UBE3A: variants seen among roughly 807,000 people sequenced by gnomAD.
UBE3A encodes ubiquitin protein ligase E3A, also known as ubiquitin-protein ligase E3A.
Under a neutral mutation model 83.4 loss-of-function variants are expected in UBE3A, and 6 were observed. That is an observed-to-expected ratio of 0.07 (90% CI 0.04 to 0.14). The LOEUF (loss-of-function observed/expected upper bound fraction) is 0.14. Among genes scored for constraint, UBE3A ranks in the 10% least tolerant of loss-of-function variants. The pLI, the probability that UBE3A is intolerant of heterozygous loss-of-function variation, is 1.00. For synonymous variants in UBE3A, 337 were observed against 355.4 expected, an observed-to-expected ratio of 0.95 and a Z score of 0.58; for missense variants, 456 against 1,036.1, an observed-to-expected ratio of 0.44 and a Z score of 7.69.
At chr15:25,395,888 TAA>T (rs370016752) in intron 4 of UBE3A, among the ~76,000 whole-genome samples, 67 of 152,208 alleles carry the variant, frequency 4.4e-4, no homozygotes, top group African/African-American at 1.6e-3. Flanking sequence ...GTGTTAGAGG[TAA>T]AGAGTAAATA....
At chr15:25,359,418 C>T (rs868604583) in intron 7 of UBE3A, among the ~76,000 whole-genome samples, 6 of 139,012 alleles carry the variant, frequency 4.3e-5, no homozygotes, top group South Asian at 2.6e-4. Context: ...ATAAGGGATG[C>T]GTGTGTGTGT....
intron 4 of UBE3A, among the ~76,000 whole-genome samples, chr15:25,376,713 A>G (rs1229843796): frequency 7.8e-6 from 1 of 127,610 alleles, no homozygotes; most frequent in Non-Finnish European, 1.6e-5. Context: ...TCTTAAATCT[A>G]AAACTTGTCA....
chr15:25,364,882 G>C (rs2078822739), intron 6 of UBE3A, among the ~76,000 whole-genome samples: 1 of 151,922 alleles, frequency 6.6e-6, no homozygotes, highest in South Asian at 2.1e-4. Context: ...TCCTGACCTT[G>C]TGATCTGCCC....
chr15:25,432,099 T>A (rs1221069027), intron 1 of UBE3A, among the ~76,000 whole-genome samples: 1 of 152,236 alleles, frequency 6.6e-6, no homozygotes, highest in Non-Finnish European at 1.5e-5. Flanking sequence ...AAGAAATTCC[T>A]GTACTGTTAC....
At chr15:25,365,196 A>G (rs2078885914) in intron 6 of UBE3A, among the ~76,000 whole-genome samples, 1 of 152,116 alleles carries the variant, frequency 6.6e-6, no homozygotes, top group South Asian at 2.1e-4. Context: ...TTTTTAAAAA[A>G]AAAATCTGAC....
intron 6 of UBE3A, among the ~76,000 whole-genome samples, chr15:25,362,482 T>C (rs1466706758): frequency 6.6e-6 from 1 of 152,118 alleles, no homozygotes; most frequent in Non-Finnish European, 1.5e-5. Context: ...ATACTGTAAG[T>C]TGTGAAGGCT....
intron 7 of UBE3A, among the ~76,000 whole-genome samples, chr15:25,359,684 C>T (rs2077757455): frequency 6.6e-6 from 1 of 152,036 alleles, no homozygotes; most frequent in African/African-American, 2.4e-5. Flanking sequence ...AGAAACTGAA[C>T]CAGTTCAGAA....
intron 4 of UBE3A, among the ~76,000 whole-genome samples, chr15:25,398,767 TTATTTATATATATATATATATA>T (rs1372840737): frequency 7.4e-5 from 5 of 67,140 alleles, no homozygotes; most frequent in African/African-American, 2.5e-4. Context: ...TTTTATTCTT[TTATTTATATATATATATATATA>T]TATATATATA....
At chr15:25,426,212 A>T (rs537530426) in intron 1 of UBE3A, among the ~76,000 whole-genome samples, 2 of 152,350 alleles carry the variant, frequency 1.3e-5, no homozygotes, top group East Asian at 3.9e-4. Context: ...ACTGTCATCT[A>T]TGAAAATCTT....
chr15:25,432,819 C>A (rs913142403), intron 1 of UBE3A, among the ~76,000 whole-genome samples: 1 of 152,196 alleles, frequency 6.6e-6, no homozygotes, highest in Non-Finnish European at 1.5e-5. Flanking sequence ...TATGCTCTTA[C>A]TTGAAACACA....
rs752626316 is a variant in UBE3A, at chr15:25,337,051, C to T, written c.*2086G>A. On this transcript the variant is annotated 3_prime_UTR_variant, in exon 13 of 13. Transcript: ENST00000648336. ...AGCTAGAGCAGCTATTCTGTGCAAC[C>T]GACGATTTTTTTTCTCTAAAATTTT... is the stretch of plus-strand genomic sequence containing the variant. The T allele has an allele frequency of 6.6e-5, 10 of 152,036 alleles. No homozygotes were observed. Among genetic ancestry groups the T allele is most frequent in the Admixed American group, 2.0e-4 (3 of 15,252 alleles). The allele number at this position is 152,036 out of a possible 1,614,324, so 9.4% of individuals were successfully genotyped here. A position where few individuals can be genotyped will look rare whatever the true frequency, so the allele number is the denominator to read the frequency against.
Position 25,338,192 on chromosome 15 carries a change from AT to A in UBE3A, c.*944del, listed in dbSNP as rs1566811239. The A allele has an allele frequency of 3.9e-5, 6 of 152,256 alleles. No homozygotes were observed. The East Asian group carries it at 1.2e-3, about 29-fold the overall frequency. 9.4% of individuals were successfully genotyped at this position (152,256 alleles called of 1,614,324 possible). ...TAAGTAAGTAATTAATAAAAACTCTATCTTAAGTGCACTTTCACATGCTTTT... is the reference window on the plus strand; with the variant it reads ...TAAGTAAGTAATTAATAAAAACTCTACTTAAGTGCACTTTCACATGCTTTT... On this transcript the variant is annotated 3_prime_UTR_variant, in exon 13 of 13. Coordinates refer to ENST00000648336, the MANE Select transcript of UBE3A (RefSeq NM_130839.5).
At chr15:25,437,712 G>C (rs1263391441) in intron 1 of UBE3A, among the ~76,000 whole-genome samples, 2 of 152,134 alleles carry the variant, frequency 1.3e-5, no homozygotes, top group Non-Finnish European at 2.9e-5. Context: ...AGGTTGCCAA[G>C]CTTCACCAGT....
intron 1 of UBE3A, chr15:25,415,634 T>A (rs954430562): frequency 6.6e-6 from 1 of 152,082 alleles, no homozygotes; most frequent in African/African-American, 2.4e-5. Flanking sequence ...AATCACCATC[T>A]CCTTCATGTC....
chr15:25,360,585 CAAA>C, intron 6 of UBE3A, 58 bp from the exon 7 acceptor site: 1 of 1,580,066 alleles, frequency 6.3e-7, no homozygotes, highest in Non-Finnish European at 8.6e-7. Flanking sequence ...AGGAAAAAAA[CAAA>C]ATAAAAACAA....
chr15:25,408,822 A>G (rs1448552298), intron 3 of UBE3A: 1 of 855,588 alleles, frequency 1.2e-6, no homozygotes, highest in Admixed American at 3.2e-5. Context: ...TAATGTTTAT[A>G]GTAAAATGTT....
intron 1 of UBE3A, among the ~76,000 whole-genome samples, chr15:25,427,193 A>C: frequency 6.6e-6 from 1 of 152,168 alleles, no homozygotes; most frequent in Non-Finnish European, 1.5e-5. Flanking sequence ...CAGATGATAA[A>C]CATTTACTGT....
rs996019844 is a variant in UBE3A at position 25,338,260 on chromosome 15, A to G, written c.*877T>C. 3 of 152,116 alleles carry G rather than the reference A, an allele frequency of 2.0e-5. No individual in the cohort carries two copies. Among genetic ancestry groups the G allele is most frequent in the African/African-American group, 7.2e-5 (3 of 41,428 alleles). The allele number at this position is 152,116 out of a possible 1,614,324, so 9.4% of individuals were successfully genotyped here. On this transcript the variant is annotated 3_prime_UTR_variant, in exon 13 of 13. Coordinates refer to ENST00000648336, the MANE Select transcript of UBE3A (RefSeq NM_130839.5). ...ACAACAAACTTCCTAACTTTGTTGC[A>G]ATAGGCTTGACTACCATTTCATTTG...
At chr15:25,413,118 A>C (rs1596328603) in intron 1 of UBE3A, 1 of 404,448 alleles carries the variant, frequency 2.5e-6, no homozygotes, top group East Asian at 7.6e-5. Flanking sequence ...GAATAACAAA[A>C]ACTGTAAGCA....
Sources: allele counts gnomAD v4.1 joint callset (sites outside exome capture counted in the v4.1 genomes callset), GRCh38; gene constraint gnomAD v4.1.1; transcripts MANE v1.5; gene names NCBI Gene and HGNC (gene_info 2026-07-23, HGNC 2026-07-21).